Variants in PLA2G12B observed in about 807,000 individuals in gnomAD.
PLA2G12B encodes phospholipase A2 group XIIB, also known as group XIIB secretory phospholipase A2-like protein.
PLA2G12B carries 19 observed loss-of-function variants against 22.3 expected under a neutral mutation model. That is an observed-to-expected ratio of 0.85 (90% confidence interval 0.60 to 1.25). The LOEUF (loss-of-function observed/expected upper bound fraction) is 1.25, where lower values mean the gene tolerates loss of function less well. Among genes scored for constraint, PLA2G12B ranks in the 50% most tolerant of loss-of-function variants. The pLI, the probability that PLA2G12B is intolerant of heterozygous loss-of-function variation, is 0.00. For synonymous variants in PLA2G12B, 81 were observed against 94.9 expected (o/e 0.85, Z 0.85); for missense variants, 191 against 246.6 (o/e 0.77, Z 1.51).
intron 1 of PLA2G12B, among the ~76,000 whole-genome samples, chr10:72,949,729 G>A (rs1202989223): frequency 1.3e-5 from 2 of 152,182 alleles, no homozygotes; most frequent in African/African-American, 4.8e-5. Context: ...TGTAATCCCA[G>A]CACTTTAGGA....
intron 1 of PLA2G12B, among the ~76,000 whole-genome samples, chr10:72,949,029 G>C (rs1846485572): frequency 6.6e-6 from 1 of 152,090 alleles, no homozygotes. Context: ...TTGCCTTCCC[G>C]GGAGGGTGCG....
Position 72,942,641 on chromosome 10 carries a change from G to T in PLA2G12B, c.300+11C>A, listed in dbSNP as rs767788676. ...CCAACCAACCAAGAAGGTAATGCTG[G>T]CAGTACATACACTTTCTGGTACCTT... On this transcript the variant is annotated intron_variant, in intron 2 of 3. Coordinates refer to ENST00000373032, the MANE Select transcript of PLA2G12B (RefSeq NM_032562.5). 1.3e-6 allele frequency: 2 copies of T among 1,585,846 alleles called. No homozygotes were observed. The highest frequency in any genetic ancestry group is 3.5e-5 in the Admixed American group (2 of 57,006).
chr10:72,951,961 G>A lies in PLA2G12B; in HGVS notation c.211+2514C>T, dbSNP rs532827804. Among the ~76,000 whole-genome samples the A allele has an allele frequency of 4.6e-5, 7 of 152,330 alleles. No homozygotes were observed. The East Asian group carries it at 1.4e-3, about 29-fold the overall frequency. On this transcript the variant is annotated intron_variant, in intron 1 of 3. Coordinates refer to ENST00000373032, the MANE Select transcript of PLA2G12B (RefSeq NM_032562.5). ...GATACATACACAGTTTTATCTGCCTGCATAATTTAACCTGTGGGCTGAAGT... is the reference window on the plus strand; with the variant it reads ...GATACATACACAGTTTTATCTGCCTACATAATTTAACCTGTGGGCTGAAGT...
chr10:72,954,700 G>C lies in PLA2G12B; in HGVS notation c.-15C>G. 1 of 1,613,012 alleles carries C rather than the reference G, an allele frequency of 6.2e-7. No homozygotes were observed. The highest frequency in any genetic ancestry group is 8.5e-7 in the Non-Finnish European group (1 of 1,179,600). On this transcript the variant is annotated 5_prime_UTR_variant, in exon 1 of 4. Coordinates refer to ENST00000373032, the MANE Select transcript of PLA2G12B (RefSeq NM_032562.5). The stretch of plus-strand genomic sequence containing the variant: ...GCCAGCTTCATCCTGCAGCCAGGTA[G>C]GTACTGGCTTCTCTCCTCAAACCCC...
At chr10:72,944,287 G>C (rs1846407880) in intron 1 of PLA2G12B, among the ~76,000 whole-genome samples, 1 of 152,104 alleles carries the variant, frequency 6.6e-6, no homozygotes, top group Non-Finnish European at 1.5e-5. Flanking sequence ...TTCAAGTACA[G>C]GTTCAGGTGC....
chr10:72,951,182 A>AT (rs1846525116), intron 1 of PLA2G12B, among the ~76,000 whole-genome samples: 1 of 152,148 alleles, frequency 6.6e-6, no homozygotes, highest in Non-Finnish European at 1.5e-5. Context: ...TAGTAACATT[A>AT]TTTTTACATA....
intron 3 of PLA2G12B, among the ~76,000 whole-genome samples, chr10:72,938,388 G>A (rs1219535187): frequency 1.3e-5 from 2 of 151,884 alleles, no homozygotes; most frequent in African/African-American, 2.4e-5. Context: ...ATCCAAATTG[G>A]AAAGGAAGAT....
At position 72,941,188 on chromosome 10, in the gene PLA2G12B, G is replaced by C; in HGVS notation, c.447C>G (p.Gly149=). The C allele has an allele frequency of 6.2e-7, 1 of 1,614,072 alleles. No homozygotes were observed. Among genetic ancestry groups the C allele is most frequent in the Non-Finnish European group, 8.5e-7 (1 of 1,179,992 alleles). ...SICSDLKRSL[G]FVSKVEAACD... is the part of the protein sequence containing the mutation. ...ACCTACCTTCCACTTTGGAGACAAA[G>C]CCCAGACTCCGCTTAAGGTCAGAGC... Residue 149 remains glycine (G), a synonymous_variant, in exon 3 of 4, where the codon GGC becomes GGG. Transcript: ENST00000373032.
At chr10:72,951,917 T>C (rs73288658) in intron 1 of PLA2G12B, among the ~76,000 whole-genome samples, 5,916 of 152,298 alleles carry the variant, frequency 0.039, 386 homozygotes, top group African/African-American at 0.14. Flanking sequence ...AATGTTGACA[T>C]GCTATCATGG....
At chr10:72,944,125 C>A (rs1846405319) in intron 1 of PLA2G12B, among the ~76,000 whole-genome samples, 2 of 149,026 alleles carry the variant, frequency 1.3e-5, no homozygotes, top group Admixed American at 6.8e-5. Flanking sequence ...CTTCTCCTAC[C>A]AGGTATTTAT....
chr10:72,949,239 C>T (rs1360307089), intron 1 of PLA2G12B, among the ~76,000 whole-genome samples: 3 of 152,120 alleles, frequency 2.0e-5, no homozygotes, highest in African/African-American at 2.4e-5. Flanking sequence ...AAGAAATTCA[C>T]GGGAGTGCTT....
intron 1 of PLA2G12B, among the ~76,000 whole-genome samples, chr10:72,943,753 G>A (rs1003111200): frequency 6.6e-6 from 1 of 152,068 alleles, no homozygotes; most frequent in Admixed American, 6.6e-5. Flanking sequence ...TAAGAAACTC[G>A]GGCTAAGAGG....
intron 2 of PLA2G12B, among the ~76,000 whole-genome samples, chr10:72,941,698 C>A (rs1276731589): frequency 5.3e-5 from 8 of 152,036 alleles, no homozygotes; most frequent in Non-Finnish European, 1.2e-4. Flanking sequence ...TTAACAGTCC[C>A]ATATGAGATT....
chr10:72,936,046 C>G (rs1177015726), intron 3 of PLA2G12B, among the ~76,000 whole-genome samples: 2 of 152,166 alleles, frequency 1.3e-5, no homozygotes, highest in African/African-American at 2.4e-5. Flanking sequence ...ACATGAACAA[C>G]TATGTTTCCC....
chr10:72,949,971 C>T (rs1003650377), intron 1 of PLA2G12B, among the ~76,000 whole-genome samples: 7 of 150,418 alleles, frequency 4.7e-5, no homozygotes, highest in Admixed American at 1.3e-4. Context: ...AGGGAGACTC[C>T]GTCTCAAGAA....
intron 1 of PLA2G12B, among the ~76,000 whole-genome samples, chr10:72,947,469 G>A (rs1472053909): frequency 6.6e-6 from 1 of 152,038 alleles, no homozygotes; most frequent in Non-Finnish European, 1.5e-5. Flanking sequence ...TGAATTCCCA[G>A]ACTGAAGCTA....
intron 1 of PLA2G12B, among the ~76,000 whole-genome samples, chr10:72,943,632 G>A (rs1270843825): frequency 6.6e-6 from 1 of 152,174 alleles, no homozygotes; most frequent in Non-Finnish European, 1.5e-5. Context: ...AATGTGTAGA[G>A]AGAAGCTTTA....
At chr10:72,944,581 T>C (rs1304648930) in intron 1 of PLA2G12B, among the ~76,000 whole-genome samples, 1 of 152,214 alleles carries the variant, frequency 6.6e-6, no homozygotes, top group Non-Finnish European at 1.5e-5. Context: ...CACGGTATAG[T>C]TCTCTATTTA....
At chr10:72,947,652 C>T (rs921116408) in intron 1 of PLA2G12B, among the ~76,000 whole-genome samples, 17 of 152,308 alleles carry the variant, frequency 1.1e-4, no homozygotes, top group African/African-American at 3.6e-4. Context: ...AGCTCAAAAA[C>T]ATTTTCATCA....
Sources: allele counts gnomAD v4.1 joint callset (sites outside exome capture counted in the v4.1 genomes callset), GRCh38; gene constraint gnomAD v4.1.1; transcripts MANE v1.5; gene names NCBI Gene and HGNC (gene_info 2026-07-23, HGNC 2026-07-21).